Variants in ITPR2 observed in about 807,000 individuals in gnomAD.
ITPR2 encodes the protein inositol 1,4,5-trisphosphate-gated calcium channel ITPR2.
A neutral mutation model predicts 317.1 loss-of-function variants in ITPR2; 207 were observed. The ratio of observed to expected loss-of-function variants is 0.65; its 90% CI spans 0.58 to 0.73. ITPR2 has a LOEUF of 0.73. ITPR2 is among the 30% of genes least tolerant of loss of function. The pLI is 0.00. For synonymous variants in ITPR2, 1,156 were observed against 1,149.1 expected (o/e 1.01, Z -0.12); for missense variants, 2,613 against 3,284.0 (o/e 0.80, Z 4.99).
At chr12:26,628,812 G>A (rs17399103) in intron 22 of ITPR2, among the ~76,000 whole-genome samples, 16,087 of 152,154 alleles carry the variant, frequency 0.11, 1,072 homozygotes, top group Non-Finnish European at 0.15. Context: ...AAAGCCAATA[G>A]TCGAGTTGGG....
intron 2 of ITPR2, among the ~76,000 whole-genome samples, chr12:26,782,595 T>C (rs1950117450): frequency 6.6e-6 from 1 of 152,218 alleles, no homozygotes; most frequent in South Asian, 2.1e-4. Flanking sequence ...TCTAGAGTCA[T>C]AGAACTTGGT....
chr12:26,545,627 T>C (rs1360880504), intron 37 of ITPR2, among the ~76,000 whole-genome samples: 1 of 152,138 alleles, frequency 6.6e-6, no homozygotes, highest in East Asian at 1.9e-4. Context: ...TTCTGGTCAG[T>C]AGGAAAAAAT....
intron 11 of ITPR2, among the ~76,000 whole-genome samples, chr12:26,684,975 G>A (rs900491538): frequency 7.2e-5 from 11 of 152,060 alleles, no homozygotes; most frequent in Admixed American, 1.3e-4. Flanking sequence ...TATAAGGTAT[G>A]AAATTCAGCA....
chr12:26,740,304 T>C (rs1949208083), intron 2 of ITPR2, among the ~76,000 whole-genome samples: 2 of 152,224 alleles, frequency 1.3e-5, no homozygotes, highest in African/African-American at 4.8e-5. Context: ...TTGAGATGAA[T>C]GGCCACATTG....
At chr12:26,784,450 G>A (rs1950171208) in intron 2 of ITPR2, among the ~76,000 whole-genome samples, 3 of 149,516 alleles carry the variant, frequency 2.0e-5, no homozygotes, top group Admixed American at 2.0e-4. Context: ...CAGCCTCCCT[G>A]CCTGATTCTC....
chr12:26,449,209 G>A (rs1342777573), intron 45 of ITPR2, among the ~76,000 whole-genome samples: 3 of 152,022 alleles, frequency 2.0e-5, no homozygotes, highest in East Asian at 1.9e-4. Context: ...TCCCAAGATC[G>A]CAAAGTGAGC....
intron 55 of ITPR2, among the ~76,000 whole-genome samples, chr12:26,364,913 C>G (rs185669248): frequency 3.9e-5 from 6 of 152,304 alleles, no homozygotes; most frequent in Admixed American, 3.9e-4. Context: ...GAGAGACTGT[C>G]TGGAGCACTG....
chr12:26,772,535 CA>C (rs1334714323), intron 2 of ITPR2, among the ~76,000 whole-genome samples: 2 of 130,580 alleles, frequency 1.5e-5, no homozygotes, highest in African/African-American at 5.8e-5. Flanking sequence ...ATATATAATA[CA>C]TGTATTATAT....
intron 49 of ITPR2, among the ~76,000 whole-genome samples, chr12:26,422,703 T>C (rs1218870925): frequency 6.6e-6 from 1 of 152,186 alleles, no homozygotes; most frequent in African/African-American, 2.4e-5. Flanking sequence ...TTTCATCTTA[T>C]TTGGTACTCT....
At chr12:26,727,788 G>A (rs189760726) in intron 2 of ITPR2, among the ~76,000 whole-genome samples, 56 of 152,302 alleles carry the variant, frequency 3.7e-4, no homozygotes, top group East Asian at 2.3e-3. Context: ...GAGCCACAAC[G>A]ATGCACGTGG....
chr12:26,494,146 C>T lies in ITPR2; in HGVS notation c.5370+7G>A. ...AAATGTAATCCCCATGATTGATGAA[C>T]AAGTACCTGTGTTTGTGTATTTCCT... On this transcript the variant is annotated splice_region_variant and intron_variant, in intron 39 of 56. Coordinates refer to ENST00000381340, the MANE Select transcript of ITPR2 (RefSeq NM_002223.4). 6.3e-7 allele frequency: 1 copy of T among 1,599,782 alleles called. No homozygotes were observed. Among genetic ancestry groups the T allele is most frequent in the Non-Finnish European group, 8.5e-7 (1 of 1,171,794 alleles).
At chr12:26,537,288 C>T (rs1944123970) in intron 37 of ITPR2, among the ~76,000 whole-genome samples, 1 of 152,130 alleles carries the variant, frequency 6.6e-6, no homozygotes, top group Non-Finnish European at 1.5e-5. Flanking sequence ...GAGGTCTTGC[C>T]TAACTCAGCC....
chr12:26,484,805 G>A lies in ITPR2; in HGVS notation c.5812-907C>T, dbSNP rs555539810. Reference sequence around the variant, plus strand: ...CCGCTCACTGCAAGCTCCGCCTCCCGGGTTCACGCCATTCTCCTGCCTCAG... The same window carrying A: ...CCGCTCACTGCAAGCTCCGCCTCCCAGGTTCACGCCATTCTCCTGCCTCAG... On this transcript the variant is annotated intron_variant, in intron 41 of 56. Transcript: ENST00000381340. Among the ~76,000 whole-genome samples the A allele has an allele frequency of 1.5e-4, 23 of 152,072 alleles. No homozygotes were observed. The South Asian group carries it at 3.3e-3, about 22-fold the overall frequency.
intron 55 of ITPR2, among the ~76,000 whole-genome samples, chr12:26,345,243 A>G (rs1938268518): frequency 6.6e-6 from 1 of 152,092 alleles, no homozygotes; most frequent in African/African-American, 2.4e-5. Flanking sequence ...TGTAAAAATC[A>G]GTTCCACAAC....
chr12:26,426,706 C>T lies in ITPR2; in HGVS notation c.6945+1207G>A, dbSNP rs534589158. The stretch of plus-strand genomic sequence containing the variant: ...TGTCAAATACATCATGTCTAATTTT[C>T]GAAGAATTGTAATAAAATAGAGGTC... On this transcript the variant is annotated intron_variant, in intron 49 of 56. Coordinates refer to ENST00000381340, the MANE Select transcript of ITPR2 (RefSeq NM_002223.4). Among the ~76,000 whole-genome samples the T allele has an allele frequency of 2.1e-4, 32 of 151,818 alleles. No individual in the cohort carries two copies. In the South Asian group the frequency reaches 4.2e-3, roughly 20 times the overall value.
At chr12:26,575,249 T>C (rs1014511639) in intron 34 of ITPR2, among the ~76,000 whole-genome samples, 1 of 147,928 alleles carries the variant, frequency 6.8e-6, no homozygotes, top group South Asian at 2.2e-4. Context: ...TTGCTGAAGG[T>C]TGGGGATGTA....
At chr12:26,728,421 G>T (rs1948971386) in intron 2 of ITPR2, among the ~76,000 whole-genome samples, 1 of 152,166 alleles carries the variant, frequency 6.6e-6, no homozygotes, top group African/African-American at 2.4e-5. Flanking sequence ...CAGGGCCTTA[G>T]TTTTACAGTC....
intron 55 of ITPR2, among the ~76,000 whole-genome samples, chr12:26,361,465 T>TA (rs567731400): frequency 7.7e-4 from 117 of 152,236 alleles, no homozygotes; most frequent in African/African-American, 2.8e-3. Flanking sequence ...TTTAATTTGC[T>TA]AAAAAAATGG....
chr12:26,808,659 TA>T (rs1950679035), intron 1 of ITPR2, among the ~76,000 whole-genome samples: 1 of 152,168 alleles, frequency 6.6e-6, no homozygotes, highest in Admixed American at 6.5e-5. Context: ...CAAATATATG[TA>T]AAATCTTGCG....
Sources: allele counts gnomAD v4.1 joint callset (sites outside exome capture counted in the v4.1 genomes callset), GRCh38; gene constraint gnomAD v4.1.1; transcripts MANE v1.5; gene names NCBI Gene and HGNC (gene_info 2026-07-23, HGNC 2026-07-21).